PNKD: variants seen among roughly 807,000 people sequenced by gnomAD.
PNKD encodes the protein probable thioesterase PNKD.
In PNKD, 36 loss-of-function variants were observed where a neutral mutation model predicts 45.3. The ratio of observed to expected loss-of-function variants is 0.80; its 90% CI spans 0.61 to 1.05. The LOEUF (loss-of-function observed/expected upper bound fraction) is 1.05, where lower values mean the gene tolerates loss of function less well. Ranked by LOEUF, PNKD falls within the 50% of genes least tolerant of loss-of-function variation. PNKD has a pLI of 0.00. For synonymous variants in PNKD, 197 were observed against 210.1 expected (o/e 0.94, Z 0.54); for missense variants, 511 against 506.6 (o/e 1.01, Z -0.08).
chr2:218,277,512 A>G, intron 2 of PNKD: 2 of 1,608,714 alleles, frequency 1.2e-6, no homozygotes, highest in Non-Finnish European at 1.7e-6. Flanking sequence ...ATGACTTCAA[A>G]ATCACCACTT....
chr2:218,278,396 C>T, intron 2 of PNKD: 1 of 1,050,402 alleles, frequency 9.5e-7, no homozygotes, highest in Non-Finnish European at 1.5e-6. Flanking sequence ...CGTCATCCTC[C>T]TCCTCATTTC....
chr2:218,293,580 C>CTTTTT (rs34887009), intron 2 of PNKD, among the ~76,000 whole-genome samples: 5 of 98,682 alleles, frequency 5.1e-5, no homozygotes, highest in Non-Finnish European at 7.7e-5. Flanking sequence ...ACTGAATGTC[C>CTTTTT]TTTTTTTTTT....
At chr2:218,278,011 G>A in intron 2 of PNKD, 3 of 1,612,630 alleles carry the variant, frequency 1.9e-6, no homozygotes, top group African/African-American at 1.3e-5. Flanking sequence ...AATGACTTGG[G>A]GCCCCTCAGG....
chr2:218,283,475 C>T (rs1692230495), intron 2 of PNKD, among the ~76,000 whole-genome samples: 1 of 152,134 alleles, frequency 6.6e-6, no homozygotes, highest in East Asian at 1.9e-4. Context: ...CCCTAGAGGG[C>T]CCCTGCATCC....
At chr2:218,334,806 C>T in intron 2 of PNKD, 1 of 696,336 alleles carries the variant, frequency 1.4e-6, no homozygotes, top group South Asian at 1.5e-5. Flanking sequence ...AGCCAGGTTT[C>T]TATGGCCTTT....
At chr2:218,334,549 A>T (rs1271402182) in intron 2 of PNKD, among the ~76,000 whole-genome samples, 1 of 152,226 alleles carries the variant, frequency 6.6e-6, no homozygotes, top group Non-Finnish European at 1.5e-5. Flanking sequence ...ACTACTCAGG[A>T]GGCTGAGGCG....
At position 218,271,543 on chromosome 2, in the gene PNKD, T is replaced by A; in HGVS notation, c.230T>A (p.Leu77Gln). 1 of 1,614,130 alleles carries A rather than the reference T, an allele frequency of 6.2e-7. No homozygotes were observed. Among genetic ancestry groups the A allele is most frequent in the Non-Finnish European group, 8.5e-7 (1 of 1,179,958 alleles). ...RGKNPMKAVG[L>Q]AWYSLYTRTW... ...AAGAACCCCATGAAAGCTGTGGGACTGGCCTGGTGAGTTTTAACCACCCCT... is the reference window on the plus strand; with the variant it reads ...AAGAACCCCATGAAAGCTGTGGGACAGGCCTGGTGAGTTTTAACCACCCCT... Residue 77 changes from leucine (L) to glutamine (Q), a missense_variant, in exon 2 of 10, where the codon CTG (leucine) becomes CAG (glutamine). By Grantham distance (113) the Leu-to-Gln change is moderately radical. Coordinates refer to ENST00000273077, the MANE Select transcript of PNKD (RefSeq NM_015488.5).
chr2:218,340,163 G>A lies in PNKD; in HGVS notation c.465+22G>A. On this transcript the variant is annotated intron_variant, in intron 4 of 9. Coordinates refer to ENST00000273077, the MANE Select transcript of PNKD (RefSeq NM_015488.5). This position sits in a 1 kb window ranked among gnomAD's most constrained non-coding sequence, Gnocchi z 4.2. ...GCAGGTGAGGGGAGGGCAGGGAGCA[G>A]GGGGTGCCTGGAGTCACCTTGGGGA... 1 of 1,483,330 alleles carries A rather than the reference G, an allele frequency of 6.7e-7. No homozygotes were observed. Among genetic ancestry groups the A allele is most frequent in the Non-Finnish European group, 9.4e-7 (1 of 1,062,458 alleles). 91.9% of individuals were successfully genotyped at this position (1,483,330 alleles called of 1,614,324 possible).
At chr2:218,295,793 A>C (rs1201440616) in intron 2 of PNKD, among the ~76,000 whole-genome samples, 1 of 151,224 alleles carries the variant, frequency 6.6e-6, no homozygotes, top group Non-Finnish European at 1.5e-5. Context: ...TTCCAGCTTT[A>C]GCAAATAAAG....
At chr2:218,279,274 A>C in intron 2 of PNKD, 1 of 1,567,312 alleles carries the variant, frequency 6.4e-7, no homozygotes, top group East Asian at 2.2e-5. Flanking sequence ...TGGGTGGCAA[A>C]GCCTAGAGAC....
At chr2:218,310,572 A>G (rs1045088630) in intron 2 of PNKD, among the ~76,000 whole-genome samples, 9 of 146,480 alleles carry the variant, frequency 6.1e-5, no homozygotes, top group Admixed American at 2.7e-4. Context: ...CAATGGTCCC[A>G]TGAGATTATT....
intron 2 of PNKD, among the ~76,000 whole-genome samples, chr2:218,338,981 G>A (rs1482407948): frequency 6.6e-6 from 1 of 150,462 alleles, no homozygotes; most frequent in Non-Finnish European, 1.5e-5. Context: ...TGTGTGTAGA[G>A]ACCCTATAGG....
intron 2 of PNKD, among the ~76,000 whole-genome samples, chr2:218,331,394 C>T (rs983056954): frequency 7.3e-5 from 11 of 151,208 alleles, no homozygotes; most frequent in African/African-American, 2.2e-4. Flanking sequence ...GCAACAAGAG[C>T]GAAGCTCTGT....
intron 2 of PNKD, among the ~76,000 whole-genome samples, chr2:218,306,672 G>T (rs1446973297): frequency 6.6e-6 from 1 of 152,112 alleles, no homozygotes; most frequent in African/African-American, 2.4e-5. Flanking sequence ...CCCCAAACCC[G>T]ATTCCACTCC....
intron 2 of PNKD, among the ~76,000 whole-genome samples, chr2:218,337,443 A>T (rs1239476306): frequency 6.6e-6 from 1 of 152,200 alleles, no homozygotes; most frequent in Non-Finnish European, 1.5e-5. Flanking sequence ...GATGGAAAGG[A>T]AAAGGATGGA....
At chr2:218,312,014 T>G (rs1693629542) in intron 2 of PNKD, among the ~76,000 whole-genome samples, 1 of 152,254 alleles carries the variant, frequency 6.6e-6, no homozygotes, top group Non-Finnish European at 1.5e-5. Flanking sequence ...GCAAACATAT[T>G]GTTAACAAGG....
rs1693751861 is a variant in PNKD, at chr2:218,315,048, T to TTC, written c.237-24733_237-24732dup. On this transcript the variant is annotated intron_variant, in intron 2 of 9. Coordinates refer to ENST00000273077, the MANE Select transcript of PNKD (RefSeq NM_015488.5). ...TCTTTCTTTCTTTCTTTTTCTTTCT[T>TTC]TCTTTCTTTCTTCCTTCCTTCCTTC... Among the ~76,000 whole-genome samples, 2 of 96,636 alleles carry TTC rather than the reference T, an allele frequency of 2.1e-5. 1 individual carries two copies. The highest frequency in any genetic ancestry group is 6.6e-5 in the African/African-American group (2 of 30,368). The allele number at this position is 96,636 out of a possible 152,430, so 63.4% of individuals were successfully genotyped here.
chr2:218,304,850 G>A (rs191262266), intron 2 of PNKD, among the ~76,000 whole-genome samples: 3,641 of 152,160 alleles, frequency 0.024, 67 homozygotes, highest in Non-Finnish European at 0.037. Context: ...TGAGGTGGGT[G>A]GATCACTTGA....
At chr2:218,311,820 C>A (rs1693623592) in intron 2 of PNKD, among the ~76,000 whole-genome samples, 1 of 152,148 alleles carries the variant, frequency 6.6e-6, no homozygotes, top group South Asian at 2.1e-4. Flanking sequence ...GGGTGTCAGG[C>A]CTTATGGTAA....
Sources: gnomAD v4.1 joint callset for allele counts (sites outside exome capture counted in the v4.1 genomes callset) on GRCh38, gnomAD v4.1.1 for gene constraint, Gnocchi (gnomAD v3.1) non-coding constraint, MANE v1.5 for transcripts, NCBI Gene and HGNC (gene_info 2026-07-23, HGNC 2026-07-21) for gene names.